The following PIBF1 variants were observed in gnomAD, a reference collection of about 807,000 sequenced individuals.
The protein encoded by PIBF1 is progesterone-induced-blocking factor 1.
PIBF1 carries 90 observed loss-of-function variants against 112.5 expected under a neutral mutation model. The ratio of observed to expected loss-of-function variants is 0.80; its 90% CI spans 0.67 to 0.95. The LOEUF (loss-of-function observed/expected upper bound fraction) is 0.95. Ranked by LOEUF, PIBF1 falls within the 40% of genes least tolerant of loss-of-function variation. The pLI, the probability that PIBF1 is intolerant of heterozygous loss-of-function variation, is 0.00. For missense variants in PIBF1, 915 were observed against 852.3 expected (o/e 1.07, Z -0.92); for synonymous variants, 301 against 288.6 (o/e 1.04, Z -0.44).
In PIBF1 at chr13:72,917,176, A is replaced by G. The variant is rs771835593; in HGVS notation, c.1730+10A>G. The G allele has an allele frequency of 2.7e-6, 4 of 1,494,056 alleles. No individual in the cohort carries two copies. The highest frequency in any genetic ancestry group is 1.3e-5 in the South Asian group (1 of 78,454). The allele number at this position is 1,494,056 out of a possible 1,614,324, so 92.5% of individuals were successfully genotyped here. ...GACGACTAAAGCAAAGGTAAAATCA[A>G]TATATATTTATTTTATTTATCTACT... is the stretch of plus-strand genomic sequence containing the variant. On this transcript the variant is annotated intron_variant, in intron 13 of 17. Transcript: ENST00000326291.
intron 2 of PIBF1, among the ~76,000 whole-genome samples, chr13:72,784,013 C>G (rs1437666803): frequency 6.6e-6 from 1 of 152,024 alleles, no homozygotes; most frequent in Non-Finnish European, 1.5e-5. Context: ...AGCATGGTGG[C>G]TATAGTTAAT....
At chr13:72,964,921 G>A (rs1009568295) in intron 14 of PIBF1, among the ~76,000 whole-genome samples, 1 of 152,066 alleles carries the variant, frequency 6.6e-6, no homozygotes, top group Non-Finnish European at 1.5e-5. Flanking sequence ...AATTAGTGGG[G>A]CATGGTAGCA....
chr13:73,010,496 G>A (rs948627964), intron 17 of PIBF1, among the ~76,000 whole-genome samples: 3 of 151,962 alleles, frequency 2.0e-5, no homozygotes, highest in Non-Finnish European at 2.9e-5. Flanking sequence ...CCAGCTACTC[G>A]GGAGGCTGAG....
At chr13:72,924,232 A>G (rs1051605308) in intron 13 of PIBF1, among the ~76,000 whole-genome samples, 1 of 151,886 alleles carries the variant, frequency 6.6e-6, no homozygotes, top group Admixed American at 6.6e-5. Flanking sequence ...TATCTAAGAC[A>G]TTTGCCTTCT....
intron 5 of PIBF1, among the ~76,000 whole-genome samples, chr13:72,802,277 A>G (rs572078389): frequency 2.6e-4 from 39 of 152,208 alleles, no homozygotes; most frequent in African/African-American, 8.9e-4. Flanking sequence ...TGTTTTCTTT[A>G]TTGAATTTCT....
chr13:72,987,786 A>G lies in PIBF1; in HGVS notation c.2050-11036A>G, dbSNP rs1410318223. ...CTTGGCCTCCCAAAGTGCTGGGATT[A>G]TAAGCATGAGCCACCATGCCTGGCC... is the stretch of plus-strand genomic sequence containing the variant. On this transcript the variant is annotated intron_variant, in intron 16 of 17. Coordinates refer to ENST00000326291, the MANE Select transcript of PIBF1 (RefSeq NM_006346.4). Among the ~76,000 whole-genome samples the G allele has an allele frequency of 2.0e-5, 3 of 147,826 alleles. No homozygotes were observed. In the East Asian group the frequency reaches 5.9e-4, roughly 29 times the overall value.
At chr13:72,787,395 C>G (rs2034657738) in intron 2 of PIBF1, among the ~76,000 whole-genome samples, 1 of 152,140 alleles carries the variant, frequency 6.6e-6, no homozygotes, top group African/African-American at 2.4e-5. Flanking sequence ...AATTTTGTCC[C>G]TCTGGTCGAT....
At chr13:72,925,634 C>T (rs936189537) in intron 13 of PIBF1, among the ~76,000 whole-genome samples, 1 of 149,486 alleles carries the variant, frequency 6.7e-6, no homozygotes, top group Non-Finnish European at 1.5e-5. Context: ...CTCCGCCTCC[C>T]GGGTTCAAGT....
At chr13:72,894,076 A>C (rs1056004976) in intron 11 of PIBF1, 127 bp downstream of exon 11, 1 of 475,596 alleles carries the variant, frequency 2.1e-6, no homozygotes, top group Non-Finnish European at 3.6e-6. Flanking sequence ...AAAAAAAAAA[A>C]AAACAAGGAA....
intron 13 of PIBF1, among the ~76,000 whole-genome samples, chr13:72,921,858 G>A (rs2041306519): frequency 6.6e-6 from 1 of 152,160 alleles, no homozygotes; most frequent in African/African-American, 2.4e-5. Flanking sequence ...TAGAGGAAAA[G>A]CCAGGGTTCT....
intron 5 of PIBF1, among the ~76,000 whole-genome samples, chr13:72,801,752 T>C (rs2035488359): frequency 2.0e-5 from 3 of 152,186 alleles, no homozygotes; most frequent in Admixed American, 6.5e-5. Context: ...TTCTCGCAGT[T>C]CTGGCATATT....
rs2042049890 is a variant in PIBF1, at chr13:72,942,888, C to G, written c.1833+11621C>G. Among the ~76,000 whole-genome samples, 5 of 152,210 alleles carry G rather than the reference C, an allele frequency of 3.3e-5. No homozygotes were observed. The South Asian group carries it at 1.0e-3, about 32-fold the overall frequency. ...TGGTGGTGTGCACATATAGTCCCAG[C>G]TACTTGGGAGTCTGAGGCAAGAGAA... On this transcript the variant is annotated intron_variant, in intron 14 of 17. Transcript: ENST00000326291.
intron 5 of PIBF1, among the ~76,000 whole-genome samples, chr13:72,814,043 G>C (rs1001358733): frequency 6.6e-6 from 1 of 152,132 alleles, no homozygotes; most frequent in East Asian, 1.9e-4. Context: ...TGAGGGAATC[G>C]ATGTACAGTG....
At chr13:72,916,380 G>A (rs1350039113) in intron 12 of PIBF1, among the ~76,000 whole-genome samples, 2 of 142,784 alleles carry the variant, frequency 1.4e-5, no homozygotes, top group Non-Finnish European at 3.0e-5. Flanking sequence ...CAACAAGAGC[G>A]AAACTCCATC....
chr13:72,925,882 C>CT (rs2041468475), intron 13 of PIBF1, among the ~76,000 whole-genome samples: 1 of 152,004 alleles, frequency 6.6e-6, no homozygotes, highest in Non-Finnish European at 1.5e-5. Flanking sequence ...TGGTTAAAAT[C>CT]TTTTTACTTT....
intron 11 of PIBF1, among the ~76,000 whole-genome samples, chr13:72,905,459 CTAAT>C (rs2040671540): frequency 6.6e-6 from 1 of 151,954 alleles, no homozygotes. Flanking sequence ...ATTAGTGAAA[CTAAT>C]TAAAGGGCCT....
At chr13:72,947,696 G>C (rs984627337) in intron 14 of PIBF1, among the ~76,000 whole-genome samples, 6 of 152,066 alleles carry the variant, frequency 3.9e-5, no homozygotes, top group Admixed American at 3.9e-4. Context: ...CAAGGATCTA[G>C]AACCAGAAAT....
At chr13:72,964,451 T>A (rs1375404292) in intron 14 of PIBF1, among the ~76,000 whole-genome samples, 1 of 152,232 alleles carries the variant, frequency 6.6e-6, no homozygotes, top group Non-Finnish European at 1.5e-5. Flanking sequence ...TGCCACTGAA[T>A]TGTACACTTT....
intron 3 of PIBF1, among the ~76,000 whole-genome samples, chr13:72,792,767 A>T (rs561309779): frequency 6.6e-6 from 1 of 152,336 alleles, no homozygotes; most frequent in Non-Finnish European, 1.5e-5. Flanking sequence ...AACATTGGTC[A>T]GTGTAAACCA....
Sources: allele counts gnomAD v4.1 joint callset (sites outside exome capture counted in the v4.1 genomes callset), GRCh38; gene constraint gnomAD v4.1.1; transcripts MANE v1.5; gene names NCBI Gene and HGNC (gene_info 2026-07-23, HGNC 2026-07-21).